Variants in PLD5 observed in about 807,000 individuals in gnomAD.
PLD5 encodes the protein phospholipase D family member 5.
PLD5 carries 36 observed loss-of-function variants against 61.1 expected under a neutral mutation model. The observed-to-expected ratio is 0.59, with a 90% CI of 0.45 to 0.78. PLD5 has a LOEUF of 0.78. Ranked by LOEUF, PLD5 falls within the 30% of genes least tolerant of loss-of-function variation. The pLI, the probability that PLD5 is intolerant of heterozygous loss-of-function variation, is 0.00. For synonymous variants in PLD5, 243 were observed against 242.8 expected (o/e 1.00, Z -0.01); for missense variants, 515 against 644.4 (o/e 0.80, Z 2.17).
rs189110636 is a variant in PLD5 at position 242,093,365 on chromosome 1, C to T, written c.1355-3255G>A. On this transcript the variant is annotated intron_variant, in intron 9 of 9. Coordinates refer to ENST00000536534, the MANE Select transcript of PLD5 (RefSeq NM_001372062.1). ...CAAAAGGCTCCTGTGGTCTTGCATG[C>T]CTTTTAAGGGCTTTTGGATATGACA... Among the ~76,000 whole-genome samples, 6 of 152,252 alleles carry T rather than the reference C, an allele frequency of 3.9e-5. No homozygotes were observed. In the East Asian group the frequency reaches 1.2e-3, roughly 29 times the overall value.
At chr1:242,471,478 G>C (rs1667447097) in intron 1 of PLD5, among the ~76,000 whole-genome samples, 1 of 151,874 alleles carries the variant, frequency 6.6e-6, no homozygotes, top group African/African-American at 2.4e-5. Context: ...GAGCGAAATG[G>C]GTTTAAAATA....
In PLD5 at chr1:242,394,173, T is replaced by A. The variant is rs866484464; in HGVS notation, c.190-45931A>T. On this transcript the variant is annotated intron_variant, in intron 1 of 9. Transcript: ENST00000536534. ...GTGTATATATATGAGTATATATATG[T>A]GTATATATGAGTATATATGAGTATA... Among the ~76,000 whole-genome samples the A allele has an allele frequency of 5.0e-5, 4 of 79,452 alleles. 1 individual carries two copies. Among genetic ancestry groups the A allele is most frequent in the East Asian group, 6.4e-4 (2 of 3,116 alleles). The allele number at this position is 79,452 out of a possible 152,430, so 52.1% of individuals were successfully genotyped here.
chr1:242,188,824 C>T (rs1449884530), intron 5 of PLD5: 4 of 152,138 alleles, frequency 2.6e-5, no homozygotes, highest in Non-Finnish European at 5.9e-5. Flanking sequence ...TGCAGAAGTA[C>T]TTCGTAATTC....
chr1:242,349,008 C>T (rs1323474740), intron 1 of PLD5, among the ~76,000 whole-genome samples: 2 of 152,114 alleles, frequency 1.3e-5, no homozygotes, highest in African/African-American at 4.8e-5. Flanking sequence ...GAGCCAAGAT[C>T]GCACCACTGC....
intron 5 of PLD5, among the ~76,000 whole-genome samples, chr1:242,126,061 T>C (rs1389010965): frequency 6.6e-6 from 1 of 151,968 alleles, no homozygotes; most frequent in Non-Finnish European, 1.5e-5. Context: ...AGCGGTTAAG[T>C]GAAAGGAGAT....
chr1:242,348,821 A>G lies in PLD5; in HGVS notation c.190-579T>C, dbSNP rs190125073. 2.3e-3 allele frequency among the ~76,000 whole-genome samples: 353 copies of G among 152,224 alleles called. 1 individual carries two copies. Among genetic ancestry groups the G allele is most frequent in the South Asian group, 5.0e-3 (24 of 4,822 alleles). On this transcript the variant is annotated intron_variant, in intron 1 of 9. Coordinates refer to ENST00000536534, the MANE Select transcript of PLD5 (RefSeq NM_001372062.1). ...TGTAATCCTAGCACTTTGGGAGGCC[A>G]AGGCGGGCAGATCATGAGGTCAGGA...
At chr1:242,122,817 C>G (rs954067218) in intron 6 of PLD5, among the ~76,000 whole-genome samples, 3 of 152,168 alleles carry the variant, frequency 2.0e-5, no homozygotes, top group African/African-American at 7.2e-5. Context: ...TGTTACACTT[C>G]TAAATTTTCT....
At chr1:242,433,178 T>G (rs1665812394) in intron 1 of PLD5, among the ~76,000 whole-genome samples, 1 of 152,374 alleles carries the variant, frequency 6.6e-6, no homozygotes, top group African/African-American at 2.4e-5. Context: ...AAACATAGCT[T>G]ATGTTCAACA....
chr1:242,393,102 G>T (rs931281811), intron 1 of PLD5, among the ~76,000 whole-genome samples: 1 of 151,076 alleles, frequency 6.6e-6, no homozygotes, highest in African/African-American at 2.4e-5. Flanking sequence ...TACTCAGGAG[G>T]CTGAGGCAGG....
At chr1:242,321,673 G>T (rs1399158179) in intron 2 of PLD5, among the ~76,000 whole-genome samples, 7 of 151,884 alleles carry the variant, frequency 4.6e-5, no homozygotes, top group Admixed American at 4.6e-4. Flanking sequence ...CCCATAACCT[G>T]TTCTGCCATC....
At chr1:242,173,499 C>G (rs1666903217) in intron 5 of PLD5, among the ~76,000 whole-genome samples, 1 of 152,086 alleles carries the variant, frequency 6.6e-6, no homozygotes, top group Non-Finnish European at 1.5e-5. Flanking sequence ...AGATTCAATG[C>G]CATCCCCATC....
intron 5 of PLD5, among the ~76,000 whole-genome samples, chr1:242,190,072 A>AGT (rs1668151343): frequency 6.9e-6 from 1 of 145,824 alleles, no homozygotes; most frequent in African/African-American, 2.5e-5. Context: ...TCCTTTACTT[A>AGT]GTGAAGGACC....
intron 1 of PLD5, among the ~76,000 whole-genome samples, chr1:242,504,426 C>T (rs1337241058): frequency 6.6e-6 from 1 of 152,200 alleles, no homozygotes; most frequent in Non-Finnish European, 1.5e-5. Context: ...TAGGGCTCTG[C>T]AATCCATAGG....
At chr1:242,484,164 G>GA (rs1667877046) in intron 1 of PLD5, among the ~76,000 whole-genome samples, 1 of 152,050 alleles carries the variant, frequency 6.6e-6, no homozygotes, top group African/African-American at 2.4e-5. Context: ...AGAAGCAAGA[G>GA]CAAACACATT....
At chr1:242,484,827 C>T (rs1487377591) in intron 1 of PLD5, among the ~76,000 whole-genome samples, 7 of 152,102 alleles carry the variant, frequency 4.6e-5, no homozygotes, top group African/African-American at 1.4e-4. Context: ...ACTGGCAAAC[C>T]GAATCCAACA....
chr1:242,120,757 G>T (rs572962278), intron 6 of PLD5, among the ~76,000 whole-genome samples: 7 of 152,190 alleles, frequency 4.6e-5, no homozygotes, highest in Non-Finnish European at 7.4e-5. Flanking sequence ...AAGCTTAAAG[G>T]CTCCAAAAAG....
intron 1 of PLD5, among the ~76,000 whole-genome samples, chr1:242,469,993 T>C (rs1667391520): frequency 6.6e-6 from 1 of 152,104 alleles, no homozygotes; most frequent in Non-Finnish European, 1.5e-5. Context: ...TGATAAATAC[T>C]GTATCGATCC....
chr1:242,101,438 T>TGGCCA (rs1261666641), intron 8 of PLD5, among the ~76,000 whole-genome samples: 1 of 152,172 alleles, frequency 6.6e-6, no homozygotes, highest in Non-Finnish European at 1.5e-5. Flanking sequence ...ACTGCAGGAA[T>TGGCCA]GGCCAGGCCA....
At chr1:242,182,436 G>A (rs1054339106) in intron 5 of PLD5, among the ~76,000 whole-genome samples, 1 of 152,104 alleles carries the variant, frequency 6.6e-6, no homozygotes, top group African/African-American at 2.4e-5. Flanking sequence ...TCTGTATCAT[G>A]TCCAGGGCTT....
Sources: allele counts gnomAD v4.1 joint callset (sites outside exome capture counted in the v4.1 genomes callset), GRCh38; gene constraint gnomAD v4.1.1; transcripts MANE v1.5; gene names NCBI Gene and HGNC (gene_info 2026-07-23, HGNC 2026-07-21).